Variants in TJP2 observed in about 807,000 individuals in gnomAD.
TJP2 encodes the protein tight junction protein 2.
A neutral mutation model predicts 133.1 loss-of-function variants in TJP2; 91 were observed. That is an observed-to-expected ratio of 0.68 (90% CI 0.58 to 0.81). TJP2 has a LOEUF of 0.81. Among genes scored for constraint, TJP2 ranks in the 40% least tolerant of loss-of-function variants. TJP2 has a pLI of 0.00. For synonymous variants in TJP2, 592 were observed against 583.4 expected, an observed-to-expected ratio of 1.01 and a Z score of -0.21; for missense variants, 1,541 against 1,565.6, an observed-to-expected ratio of 0.98 and a Z score of 0.26.
Position 69,221,574 on chromosome 9 carries a change from C to T in TJP2, c.952+78C>T, listed in dbSNP as rs930594899. The stretch of plus-strand genomic sequence containing the variant: ...TGTTTTCTTAATTTTTTTTTTTCCC[C>T]CGAAAGTGTTGCTCTGTCATCCAGG... On this transcript the variant is annotated intron_variant, in intron 5 of 22. Transcript: ENST00000377245. 5.2e-6 allele frequency: 8 copies of T among 1,526,794 alleles called. No individual in the cohort carries two copies. The African/African-American group carries it at 9.7e-5, about 18-fold the overall frequency. 94.6% of individuals were successfully genotyped at this position (1,526,794 alleles called of 1,614,324 possible).
chr9:69,131,133 T>C (rs1052354969), intron 1 of TJP2, among the ~76,000 whole-genome samples: 39 of 152,186 alleles, frequency 2.6e-4, no homozygotes, highest in Middle Eastern at 3.2e-3. Flanking sequence ...CACTGATAAT[T>C]AACGTAAAAC....
chr9:69,210,974 C>T (rs1039339698), intron 1 of TJP2, among the ~76,000 whole-genome samples: 10 of 152,290 alleles, frequency 6.6e-5, no homozygotes, highest in East Asian at 1.9e-4. Flanking sequence ...GCGATCCTCT[C>T]GCTTCAGCCT....
Position 69,248,222 on chromosome 9 carries a change from G to A in TJP2, c.2878G>A (p.Glu960Lys), listed in dbSNP as rs1831067696. 5 of 1,591,070 alleles carry A rather than the reference G, an allele frequency of 3.1e-6. No individual in the cohort carries two copies. Among genetic ancestry groups the A allele is most frequent in the Non-Finnish European group, 4.3e-6 (5 of 1,167,454 alleles). ...CTCCTCGGAGCCGGTGCAGCACGAG[G>A]AGGTGAGGCGAGGCAGGCCACGGGC... is the stretch of plus-strand genomic sequence containing the variant. ...TRSSEPVQHE[E>K]SIRKPSPEPR... Residue 960 changes from glutamate (E) to lysine (K), a missense_variant and splice_region_variant, in exon 19 of 23, where the codon GAG (glutamate) becomes AAG (lysine). By Grantham distance (56) the Glu-to-Lys change is moderately conservative (BLOSUM62 1). Transcript: ENST00000377245.
At chr9:69,226,651 A>T (rs1269516267) in intron 7 of TJP2, among the ~76,000 whole-genome samples, 2 of 152,076 alleles carry the variant, frequency 1.3e-5, no homozygotes, top group African/African-American at 4.8e-5. Flanking sequence ...GGCGCCTGCC[A>T]CCACACCTGG....
chr9:69,239,204 A>C (rs142532857), intron 16 of TJP2, among the ~76,000 whole-genome samples: 1,625 of 152,058 alleles, frequency 0.011, 25 homozygotes, highest in African/African-American at 0.037. Context: ...ATATATATAT[A>C]ATGTAAATGC....
intron 1 of TJP2, among the ~76,000 whole-genome samples, chr9:69,127,076 T>TC (rs1564364609): frequency 0.018 from 980 of 54,478 alleles, 341 homozygotes; most frequent in African/African-American, 0.045. Context: ...CTCTCTCTCT[T>TC]TTTTTTTTTT....
rs397516632 is a variant in TJP2, at chr9:69,248,296, G to A, written c.2880+72G>A. 95 of 1,510,906 alleles carry A rather than the reference G, an allele frequency of 6.3e-5. No individual in the cohort carries two copies. The highest frequency in any genetic ancestry group is 1.7e-4 in the Middle Eastern group (1 of 5,792). The allele number at this position is 1,510,906 out of a possible 1,614,324, so 93.6% of individuals were successfully genotyped here. On this transcript the variant is annotated intron_variant, in intron 19 of 22. Coordinates refer to ENST00000377245, the MANE Select transcript of TJP2 (RefSeq NM_004817.4). The stretch of plus-strand genomic sequence containing the variant: ...TCCTTGCACTCTCGTGGACAGCTGT[G>A]TGTTCAGGGTGCTGTGGAAGGCATT...
chr9:69,181,083 C>T (rs1338208868), intron 1 of TJP2, among the ~76,000 whole-genome samples: 5 of 151,832 alleles, frequency 3.3e-5, no homozygotes, highest in East Asian at 1.9e-4. Flanking sequence ...AGTAGATGAT[C>T]GTTTGTTAGA....
intron 1 of TJP2, among the ~76,000 whole-genome samples, chr9:69,148,702 A>G (rs1823331501): frequency 6.6e-6 from 1 of 152,078 alleles, no homozygotes; most frequent in Non-Finnish European, 1.5e-5. Context: ...GCAAGCAGGG[A>G]TGTGCTTGGG....
chr9:69,186,097 C>A (rs1214063138), intron 1 of TJP2, among the ~76,000 whole-genome samples: 1 of 152,216 alleles, frequency 6.6e-6, no homozygotes, highest in Non-Finnish European at 1.5e-5. Flanking sequence ...ATTTAAAAAT[C>A]TTGAACCAAT....
intron 11 of TJP2, among the ~76,000 whole-genome samples, chr9:69,232,824 A>G (rs1292889862): frequency 6.6e-6 from 1 of 152,224 alleles, no homozygotes; most frequent in Non-Finnish European, 1.5e-5. Context: ...TTAACCATGT[A>G]GATTTTTAAA....
At chr9:69,214,186 A>C (rs1390706297) in intron 2 of TJP2, among the ~76,000 whole-genome samples, 1 of 152,122 alleles carries the variant, frequency 6.6e-6, no homozygotes, top group East Asian at 1.9e-4. Context: ...CCTAGGTTCA[A>C]GTGATTTTCC....
At chr9:69,121,377 C>A, upstream of TJP2, 1 of 983,756 alleles carries the variant, frequency 1.0e-6, no homozygotes, top group Non-Finnish European at 1.2e-6. Flanking sequence ...TGACAGCCGC[C>A]GCCCACCCCC....
At chr9:69,236,381 G>A (rs966342372) in intron 13 of TJP2, 143 bp downstream of exon 13, 4 of 837,896 alleles carry the variant, frequency 4.8e-6, no homozygotes, top group Non-Finnish European at 3.7e-6. Context: ...TATGGAGAGT[G>A]GCCTGAACTG....
chr9:69,184,021 C>T (rs1438699908), intron 1 of TJP2, among the ~76,000 whole-genome samples: 2 of 152,180 alleles, frequency 1.3e-5, no homozygotes, highest in African/African-American at 2.4e-5. Flanking sequence ...AGCCAGGTTA[C>T]AGATGTTTAA....
At chr9:69,158,342 A>AC (rs1446558595) in intron 2 of TJP2, among the ~76,000 whole-genome samples, 67 of 149,506 alleles carry the variant, frequency 4.5e-4, no homozygotes, top group African/African-American at 1.6e-3. Context: ...AAAAAAAAAA[A>AC]AAAAAAAAAA....
intron 1 of TJP2, among the ~76,000 whole-genome samples, chr9:69,200,217 GC>G (rs11315095): frequency 0.51 from 76,818 of 151,794 alleles, 20,007 homozygotes; most frequent in East Asian, 0.63. Flanking sequence ...CTCTGAACGG[GC>G]TGTTCCCTCT....
chr9:69,131,668 T>C (rs1822501289), intron 1 of TJP2, among the ~76,000 whole-genome samples: 1 of 152,204 alleles, frequency 6.6e-6, no homozygotes, highest in Non-Finnish European at 1.5e-5. Context: ...GGTGACTTGC[T>C]GTATGGTCAG....
At chr9:69,138,716 G>A (rs7849519) in intron 1 of TJP2, among the ~76,000 whole-genome samples, 67,626 of 151,796 alleles carry the variant, frequency 0.45, 15,148 homozygotes, top group East Asian at 0.62. Flanking sequence ...TCGGGAGTTT[G>A]AGATCAGCCT....
Sources: allele counts gnomAD v4.1 joint callset (sites outside exome capture counted in the v4.1 genomes callset), GRCh38; gene constraint gnomAD v4.1.1; transcripts MANE v1.5; gene names NCBI Gene and HGNC (gene_info 2026-07-23, HGNC 2026-07-21).